Variants in BDNF observed in about 807,000 individuals in gnomAD.
The protein encoded by BDNF is neurotrophic factor BDNF precursor form.
A neutral mutation model predicts 19.5 loss-of-function variants in BDNF; 1 was observed. That is an observed-to-expected ratio of 0.05 (90% CI 0.02 to 0.24). The LOEUF (loss-of-function observed/expected upper bound fraction) is 0.24, where lower values mean the gene tolerates loss of function less well. Ranked by LOEUF, BDNF falls within the 10% of genes least tolerant of loss-of-function variation. The pLI, the probability that BDNF is intolerant of heterozygous loss-of-function variation, is 1.00. For missense variants in BDNF, 195 were observed against 317.6 expected, an observed-to-expected ratio of 0.61 and a Z score of 2.93; for synonymous variants, 100 against 121.6, an observed-to-expected ratio of 0.82 and a Z score of 1.17.
chr11:27,657,410 G>T lies in BDNF; in HGVS notation c.*411C>A. 9.6e-7 allele frequency: 1 copy of T among 1,044,538 alleles called. No individual in the cohort carries two copies. Among genetic ancestry groups the T allele is most frequent in the Non-Finnish European group, 1.2e-6 (1 of 866,240 alleles). 64.7% of individuals were successfully genotyped at this position (1,044,538 alleles called of 1,614,324 possible). On this transcript the variant is annotated 3_prime_UTR_variant, in exon 2 of 2. Coordinates refer to ENST00000356660, the MANE Select transcript of BDNF (RefSeq NM_001709.5). The surrounding 1 kb of genome is among the most constrained non-coding windows in gnomAD (Gnocchi z 5.0). ...ACTAACAAGAACGAAGATACTTACT[G>T]TCTAAAATGTAAACGGAATGTTTTG...
chr11:27,654,953 T>C lies in BDNF; in HGVS notation c.*2868A>G, dbSNP rs979164730. 1.3e-5 allele frequency: 2 copies of C among 152,138 alleles called. No homozygotes were observed. The highest frequency in any genetic ancestry group is 4.8e-5 in the African/African-American group (2 of 41,426). 9.4% of individuals were successfully genotyped at this position (152,138 alleles called of 1,614,324 possible). On this transcript the variant is annotated 3_prime_UTR_variant, in exon 2 of 2. Coordinates refer to ENST00000356660, the MANE Select transcript of BDNF (RefSeq NM_001709.5). Reference sequence around the variant, plus strand: ...AAAATTCTATATTTAAAACATATATTATATGTTAATTAGTACACTTAAATA... The same window carrying C: ...AAAATTCTATATTTAAAACATATATCATATGTTAATTAGTACACTTAAATA...
chr11:27,721,360 A>C, intron 1 of BDNF: 1 of 1,607,284 alleles, frequency 6.2e-7, no homozygotes, highest in Non-Finnish European at 8.5e-7. Context: ...GCCCGTTGTT[A>C]AGCAACATGT....
intron 1 of BDNF, among the ~76,000 whole-genome samples, chr11:27,666,839 C>T (rs550596272): frequency 5.3e-5 from 8 of 152,238 alleles, no homozygotes; most frequent in South Asian, 2.1e-4. Flanking sequence ...AGTTGGAAAA[C>T]GCTCTGCAGG....
At chr11:27,659,579 C>G (rs1853068294) in intron 1 of BDNF, 1 of 1,000,228 alleles carries the variant, frequency 1.0e-6, no homozygotes. Context: ...GGCTAATACA[C>G]ACATCTAGCT....
Position 27,699,296 on chromosome 11 carries a change from C to G in BDNF, c.-22+868G>C. ...CGAGGCTTCTTCCTTAGGGATGCCC[C>G]TAGTCTGTAATCTCCCCTTCTTCTT... On this transcript the variant is annotated intron_variant, in intron 1 of 1. Transcript: ENST00000356660. The G allele has an allele frequency of 3.2e-6, 5 of 1,568,312 alleles. No individual in the cohort carries two copies. The Admixed American group carries it at 8.3e-5, about 26-fold the overall frequency.
chr11:27,671,119 G>C (rs1159125752), intron 1 of BDNF, among the ~76,000 whole-genome samples: 1 of 152,044 alleles, frequency 6.6e-6, no homozygotes, highest in African/African-American at 2.4e-5. Flanking sequence ...AGAACACTTG[G>C]ACACAGGGTG....
intron 1 of BDNF, among the ~76,000 whole-genome samples, chr11:27,696,849 G>A (rs1242148382): frequency 6.6e-6 from 1 of 152,144 alleles, no homozygotes; most frequent in Non-Finnish European, 1.5e-5. Flanking sequence ...CATATTATGG[G>A]CACCTGAAAT....
chr11:27,700,431 T>A lies in BDNF; in HGVS notation c.-289A>T. 1.0e-6 allele frequency: 1 copy of A among 985,414 alleles called. No homozygotes were observed. 61.0% of individuals were successfully genotyped at this position (985,414 alleles called of 1,614,324 possible). A position where few individuals can be genotyped will look rare whatever the true frequency, so the allele number is the denominator to read the frequency against. ...GCGCCCGGGCGCGGCGGCGGCAGCG[T>A]CGGGGACCCGGAGCTCCAGGCTGCG... On this transcript the variant is annotated 5_prime_UTR_variant, in exon 1 of 2. Coordinates refer to ENST00000356660, the MANE Select transcript of BDNF (RefSeq NM_001709.5).
Position 27,658,746 on chromosome 11 carries a change from T to C in BDNF, c.-21-161A>G. The stretch of plus-strand genomic sequence containing the variant: ...CAGCTGCACCAGACACAAATCAGTG[T>C]CAGTAGTGTGCTGTATGTGGTTTAA... On this transcript the variant is annotated intron_variant, in intron 1 of 1. Transcript: ENST00000356660. The surrounding 1 kb of genome is among the most constrained non-coding windows in gnomAD (Gnocchi z 5.7). 1.3e-6 allele frequency: 2 copies of C among 1,527,312 alleles called. No individual in the cohort carries two copies. Among genetic ancestry groups the C allele is most frequent in the Non-Finnish European group, 1.8e-6 (2 of 1,137,624 alleles). The allele number at this position is 1,527,312 out of a possible 1,614,324, so 94.6% of individuals were successfully genotyped here.
intron 1 of BDNF, among the ~76,000 whole-genome samples, chr11:27,683,374 T>C (rs978929686): frequency 6.6e-6 from 1 of 152,054 alleles, no homozygotes; most frequent in African/African-American, 2.4e-5. Flanking sequence ...CACTCTGATG[T>C]TAGTTTCTTT....
chr11:27,679,880 G>A (rs1856628428), intron 1 of BDNF, among the ~76,000 whole-genome samples: 1 of 152,110 alleles, frequency 6.6e-6, no homozygotes, highest in South Asian at 2.1e-4. Flanking sequence ...CATATGAAAA[G>A]AACTCAGCTG....
At chr11:27,701,246 C>T (rs911500628), upstream of BDNF, 58 of 1,149,398 alleles carry the variant, frequency 5.0e-5, no homozygotes, top group Non-Finnish European at 6.1e-5. Flanking sequence ...CACACGCTTT[C>T]TAGCCGACCA....
At chr11:27,659,627 C>G (rs1199912146) in intron 1 of BDNF, 93 of 917,164 alleles carry the variant, frequency 1.0e-4, no homozygotes, top group African/African-American at 2.7e-4. Context: ...GAGATGTTCT[C>G]TCTGTGTGTG....
intron 1 of BDNF, among the ~76,000 whole-genome samples, chr11:27,685,182 A>T (rs1390444979): frequency 6.6e-6 from 1 of 152,064 alleles, no homozygotes; most frequent in Non-Finnish European, 1.5e-5. Flanking sequence ...GTTTATTTGC[A>T]TAGAGGTGTT....
Position 27,657,430 on chromosome 11 carries a change from G to A in BDNF, c.*391C>T. The A allele has an allele frequency of 9.6e-7, 1 of 1,044,976 alleles. No homozygotes were observed. Among genetic ancestry groups the A allele is most frequent in the Non-Finnish European group, 1.2e-6 (1 of 867,434 alleles). 64.7% of individuals were successfully genotyped at this position (1,044,976 alleles called of 1,614,324 possible). A position where few individuals can be genotyped will look rare whatever the true frequency, so the allele number is the denominator to read the frequency against. ...TTACTGTCTAAAATGTAAACGGAAT[G>A]TTTTGGTTCAAATTTTTGTTGTGTG... On this transcript the variant is annotated 3_prime_UTR_variant, in exon 2 of 2. Coordinates refer to ENST00000356660, the MANE Select transcript of BDNF (RefSeq NM_001709.5). The surrounding 1 kb of genome is among the most constrained non-coding windows in gnomAD (Gnocchi z 5.0).
intron 1 of BDNF, among the ~76,000 whole-genome samples, chr11:27,663,226 C>G (rs1853752092): frequency 6.6e-6 from 1 of 152,136 alleles, no homozygotes; most frequent in Non-Finnish European, 1.5e-5. Context: ...GATAAAGAGG[C>G]TGTGTAATAT....
intron 1 of BDNF, among the ~76,000 whole-genome samples, chr11:27,714,509 G>A (rs761161579): frequency 2.6e-5 from 4 of 152,020 alleles, no homozygotes; most frequent in Non-Finnish European, 4.4e-5. Flanking sequence ...AAAATAATCC[G>A]CAGAAATTTG....
At chr11:27,680,295 G>A (rs1216688067) in intron 1 of BDNF, among the ~76,000 whole-genome samples, 1 of 152,186 alleles carries the variant, frequency 6.6e-6, no homozygotes, top group Non-Finnish European at 1.5e-5. Context: ...AAAGAGGGAG[G>A]AAGGTGGCAA....
chr11:27,657,464 T>TGTG lies in BDNF; in HGVS notation c.*356_*357insCAC. ...CAAATTTTTGTTGTGTGTGTGTGTG[T>TGTG]TTTTTTTCTGTTTTCTGAAAGAGGA... On this transcript the variant is annotated 3_prime_UTR_variant, in exon 2 of 2. Transcript: ENST00000356660. The surrounding 1 kb of genome is among the most constrained non-coding windows in gnomAD (Gnocchi z 5.0). 1 of 180,810 alleles carries TGTG rather than the reference T, an allele frequency of 5.5e-6. No homozygotes were observed. Among genetic ancestry groups the TGTG allele is most frequent in the South Asian group, 1.8e-4 (1 of 5,554 alleles). The allele number at this position is 180,810 out of a possible 1,614,324, so 11.2% of individuals were successfully genotyped here.
Sources: allele counts gnomAD v4.1 joint callset (sites outside exome capture counted in the v4.1 genomes callset), GRCh38; gene constraint gnomAD v4.1.1; non-coding constraint Gnocchi (gnomAD v3.1); transcripts MANE v1.5; gene names NCBI Gene and HGNC (gene_info 2026-07-23, HGNC 2026-07-21).